ROBO2: variants seen among roughly 807,000 people sequenced by gnomAD.
The protein encoded by ROBO2 is roundabout guidance receptor 2.
In ROBO2, 53 loss-of-function variants were observed where a neutral mutation model predicts 160.8. The observed-to-expected ratio is 0.33, with a 90% CI of 0.26 to 0.41. The LOEUF (loss-of-function observed/expected upper bound fraction) is 0.41. Among genes scored for constraint, ROBO2 ranks in the 10% least tolerant of loss-of-function variants. The pLI is 1.00. For synonymous variants in ROBO2, 664 were observed against 611.7 expected (o/e 1.09, Z -1.26); for missense variants, 1,577 against 1,722.4 (o/e 0.92, Z 1.49).
At chr3:77,503,762 T>C (rs910043488) in intron 5 of ROBO2, among the ~76,000 whole-genome samples, 1 of 152,056 alleles carries the variant, frequency 6.6e-6, no homozygotes, top group African/African-American at 2.4e-5. Context: ...TTTAAAACTA[T>C]GTAATGGTCC....
rs527308888 is a variant in ROBO2 at position 77,440,426 on chromosome 3, A to G, written c.389-36988A>G. On this transcript the variant is annotated intron_variant, in intron 2 of 25. Coordinates refer to ENST00000461745, the Ensembl canonical transcript of ROBO2. ...CACATACCGGCTTTTTTCCAAATAAATGTAAAGATTTTGCATTTATGGTAG... is the reference window on the plus strand; with the variant it reads ...CACATACCGGCTTTTTTCCAAATAAGTGTAAAGATTTTGCATTTATGGTAG... 2.0e-5 allele frequency among the ~76,000 whole-genome samples: 3 copies of G among 152,270 alleles called. No individual in the cohort carries two copies. In the East Asian group the frequency reaches 5.8e-4, roughly 29 times the overall value.
chr3:76,763,185 G>T, intron 2 of ROBO2, among the ~76,000 whole-genome samples: 1 of 43,626 alleles, frequency 2.3e-5, no homozygotes, highest in Admixed American at 2.7e-4. Context: ...AAAAGGTTTT[G>T]TCATATACCT....
intron 10 of ROBO2, 33 bp from the exon 12 acceptor site, chr3:77,563,134 A>T: frequency 6.2e-7 from 1 of 1,609,662 alleles, no homozygotes; most frequent in Non-Finnish European, 8.5e-7. Context: ...TTATGCAATC[A>T]GGAATGAAGT....
intron 2 of ROBO2, among the ~76,000 whole-genome samples, chr3:76,009,408 TC>T (rs1220027711): frequency 6.6e-6 from 1 of 152,172 alleles, no homozygotes; most frequent in Non-Finnish European, 1.5e-5. Context: ...TGGCTGAAGA[TC>T]CGATTCTCTT....
At chr3:77,412,076 A>G (rs375448637) in intron 2 of ROBO2, among the ~76,000 whole-genome samples, 1 of 152,228 alleles carries the variant, frequency 6.6e-6, no homozygotes, top group Non-Finnish European at 1.5e-5. Flanking sequence ...TATTTAGAAG[A>G]GGAGAGTTAT....
In ROBO2 at chr3:76,124,103, T is replaced by C. The variant is rs543242944; in HGVS notation, c.109+186501T>C. ...ACACTAGTATTGATGTCAAGAAAGA[T>C]GAATAAGAGAATCAGAGTGCTTAAA... On this transcript the variant is annotated intron_variant, in intron 2 of 26. Transcript: ENST00000487694. 5.1e-5 allele frequency among the ~76,000 whole-genome samples: 4 copies of C among 78,434 alleles called. No homozygotes were observed. The Middle Eastern group carries it at 0.02, about 397-fold the overall frequency. The allele number at this position is 78,434 out of a possible 152,430, so 51.5% of individuals were successfully genotyped here. A position where few individuals can be genotyped will look rare whatever the true frequency, so the allele number is the denominator to read the frequency against.
intron 2 of ROBO2, among the ~76,000 whole-genome samples, chr3:77,459,661 CAG>C (rs1435093000): frequency 6.6e-6 from 1 of 152,076 alleles, no homozygotes; most frequent in Non-Finnish European, 1.5e-5. Flanking sequence ...GTAGTCCTAA[CAG>C]GGGAAACTGA....
chr3:76,549,139 T>C (rs781035136), intron 2 of ROBO2, among the ~76,000 whole-genome samples: 4 of 152,168 alleles, frequency 2.6e-5, no homozygotes, highest in Non-Finnish European at 5.9e-5. Context: ...TACTGGGAAT[T>C]TGATAATTAG....
intron 2 of ROBO2, among the ~76,000 whole-genome samples, chr3:76,176,409 T>A (rs1214438952): frequency 6.6e-6 from 1 of 152,172 alleles, no homozygotes; most frequent in African/African-American, 2.4e-5. Context: ...TTTCCAGTTG[T>A]TCATAGAAAT....
intron 2 of ROBO2, among the ~76,000 whole-genome samples, chr3:76,108,392 ACT>A (rs1203801916): frequency 2.0e-5 from 3 of 151,882 alleles, no homozygotes; most frequent in Non-Finnish European, 4.4e-5. Context: ...CATCACTGTA[ACT>A]CTTATATTCA....
At chr3:76,101,699 C>A (rs902085767) in intron 2 of ROBO2, among the ~76,000 whole-genome samples, 1 of 126,956 alleles carries the variant, frequency 7.9e-6, no homozygotes, top group Non-Finnish European at 1.7e-5. Context: ...CCTCCCCCCT[C>A]CCCCCACCCC....
At chr3:76,842,448 C>A (rs2068375189) in intron 2 of ROBO2, among the ~76,000 whole-genome samples, 1 of 152,272 alleles carries the variant, frequency 6.6e-6, no homozygotes, top group East Asian at 1.9e-4. Flanking sequence ...GTGGAAAGAC[C>A]AAGAACTGTG....
rs1481042816 is a variant in ROBO2 at position 77,438,450 on chromosome 3, C to T, written c.389-38964C>T. On this transcript the variant is annotated intron_variant, in intron 2 of 25. Coordinates refer to ENST00000461745, the Ensembl canonical transcript of ROBO2. ...AAAGAGAGTGAGCATACCCAACCTA[C>T]GAGAGAGAGCAGGTTTGCCAGAACA... 5.9e-5 allele frequency among the ~76,000 whole-genome samples: 9 copies of T among 151,342 alleles called. No individual in the cohort carries two copies. In the East Asian group the frequency reaches 1.2e-3, roughly 20 times the overall value.
At chr3:76,101,183 A>G (rs1015507355) in intron 2 of ROBO2, among the ~76,000 whole-genome samples, 1 of 152,182 alleles carries the variant, frequency 6.6e-6, no homozygotes, top group Admixed American at 6.5e-5. Context: ...GAAAGATGTG[A>G]TGAGATTACT....
chr3:77,391,642 C>A (rs1250902562), intron 2 of ROBO2, among the ~76,000 whole-genome samples: 2 of 152,042 alleles, frequency 1.3e-5, no homozygotes. Context: ...ATTATGGGAG[C>A]TACAATTCAA....
intron 2 of ROBO2, among the ~76,000 whole-genome samples, chr3:76,014,824 A>G (rs1451170857): frequency 6.6e-6 from 1 of 152,178 alleles, no homozygotes; most frequent in Non-Finnish European, 1.5e-5. Context: ...CCTACCTGGG[A>G]GGCTGTGGCA....
At chr3:75,998,341 C>T (rs534828199) in intron 2 of ROBO2, among the ~76,000 whole-genome samples, 222 of 152,214 alleles carry the variant, frequency 1.5e-3, no homozygotes, top group African/African-American at 5.1e-3. Flanking sequence ...ACTCATATGA[C>T]GTTTTCTTCC....
chr3:77,144,750 G>C (rs1048429600), intron 2 of ROBO2, among the ~76,000 whole-genome samples: 1 of 152,106 alleles, frequency 6.6e-6, no homozygotes, highest in Non-Finnish European at 1.5e-5. Flanking sequence ...GGGAGAAGGA[G>C]GTGTAGATAA....
chr3:76,521,945 T>C (rs1467038236), intron 2 of ROBO2, among the ~76,000 whole-genome samples: 2 of 152,214 alleles, frequency 1.3e-5, no homozygotes, highest in Non-Finnish European at 2.9e-5. Context: ...TGCATCTATA[T>C]GTGGCTTGAA....
Sources: allele counts gnomAD v4.1 joint callset (sites outside exome capture counted in the v4.1 genomes callset), GRCh38; gene constraint gnomAD v4.1.1; transcripts MANE v1.5; gene names NCBI Gene and HGNC (gene_info 2026-07-23, HGNC 2026-07-21).